MGAM2: variants seen among roughly 807,000 people sequenced by gnomAD.
MGAM2 encodes the protein maltase-glucoamylase 2 (putative).
A neutral mutation model predicts 96.1 loss-of-function variants in MGAM2; 98 were observed. That is an observed-to-expected ratio of 1.02 (90% CI 0.87 to 1.21). The LOEUF is 1.21. MGAM2 is among the 50% of genes most tolerant of loss of function. The probability of loss-of-function intolerance (pLI) is 0.00; values close to 1 mark genes in which losing one functional copy is unlikely to be tolerated. For synonymous variants in MGAM2, 749 were observed against 414.8 expected (o/e 1.81, Z -9.79); for missense variants, 2,055 against 1,182.4 (o/e 1.74, Z -10.82).
chr7:142,117,107 ATTAGT>A (rs1817435411), intron 2 of MGAM2, 128 bp downstream of exon 2: 1 of 636,612 alleles, frequency 1.6e-6, no homozygotes, highest in South Asian at 1.8e-5. Context: ...CACTTCCATG[ATTAGT>A]TTAAGTTCAA....
chr7:142,120,108 G>T (rs78877860), intron 2 of MGAM2, among the ~76,000 whole-genome samples, 194 bp from the exon 3 acceptor site: 16,037 of 152,250 alleles, frequency 0.11, 1,084 homozygotes, highest in Admixed American at 0.23. Context: ...TAAACTTGGA[G>T]AAGTGTTAAA....
intron 1 of MGAM2, among the ~76,000 whole-genome samples, chr7:142,114,157 A>AGAAAGAAAGAAG (rs1375883027): frequency 1.0e-3 from 74 of 71,144 alleles, no homozygotes; most frequent in Non-Finnish European, 1.7e-3. Flanking sequence ...AAAGAAGGAA[A>AGAAAGAAAGAAG]GAAAGAAAGA....
intron 14 of MGAM2, among the ~76,000 whole-genome samples, chr7:142,146,933 G>A (rs986595415): frequency 1.3e-5 from 2 of 151,956 alleles, no homozygotes; most frequent in Admixed American, 6.6e-5. Context: ...TCACCATATT[G>A]GTCAGGCTTG....
At chr7:142,172,222 C>A in intron 29 of MGAM2, 28 bp downstream of exon 29, 1 of 697,174 alleles carries the variant, frequency 1.4e-6, no homozygotes, top group Non-Finnish European at 2.6e-6. Flanking sequence ...CTCCCATGCA[C>A]CACCAGAAAC....
intron 1 of MGAM2, among the ~76,000 whole-genome samples, chr7:142,116,364 A>G (rs1817402103): frequency 2.0e-5 from 3 of 152,180 alleles, no homozygotes; most frequent in Admixed American, 2.0e-4. Flanking sequence ...TTGTTACCAG[A>G]TCCTTGAGAG....
intron 3 of MGAM2, among the ~76,000 whole-genome samples, chr7:142,121,358 A>C (rs1386195539): frequency 1.3e-5 from 2 of 150,666 alleles, no homozygotes; most frequent in African/African-American, 2.4e-5. Context: ...TTGTATTTTT[A>C]GTAGAGGCAG....
At chr7:142,152,186 A>C (rs62479420) in intron 15 of MGAM2, among the ~76,000 whole-genome samples, 3 of 142,000 alleles carry the variant, frequency 2.1e-5, no homozygotes, top group South Asian at 2.3e-4. Flanking sequence ...AAAAAAAAAA[A>C]CCCAGCAGTT....
In MGAM2 at chr7:142,162,702, A is replaced by C. The variant is rs552789799; in HGVS notation, c.2484+698A>C. ...TATATAATTTATATATAAGGTATAA[A>C]AAATATATATCTTAAAGTAACTCTT... is the stretch of plus-strand genomic sequence containing the variant. On this transcript the variant is annotated intron_variant, in intron 23 of 47. Coordinates refer to ENST00000477922, the MANE Select transcript of MGAM2 (RefSeq NM_001293626.2). Among the ~76,000 whole-genome samples the C allele has an allele frequency of 9.7e-4, 147 of 151,426 alleles. 1 individual carries two copies. Among genetic ancestry groups the C allele is most frequent in the Non-Finnish European group, 1.6e-3 (110 of 67,854 alleles).
In MGAM2 at chr7:142,220,631, T is replaced by C; in HGVS notation, c.6120T>C (p.Asp2040=). ...IGVTTGTTVP[D]TTAPFPTSTT... is the part of the protein sequence containing the mutation. ...TTACAACTGGTACTACTGTTCCTGA[T>C]ACAACTGCTCCTTTCCCTACAAGTA... Residue 2040 remains aspartate (D), a synonymous_variant, in exon 48 of 48, where the codon GAT becomes GAC. Coordinates refer to ENST00000477922, the MANE Select transcript of MGAM2 (RefSeq NM_001293626.2). 1.4e-6 allele frequency: 1 copy of C among 702,392 alleles called. No individual in the cohort carries two copies. Among genetic ancestry groups the C allele is most frequent in the Non-Finnish European group, 2.6e-6 (1 of 384,876 alleles). The allele number at this position is 702,392 out of a possible 1,614,324, so 43.5% of individuals were successfully genotyped here.
chr7:142,192,807 A>T (rs1455523811), intron 37 of MGAM2, among the ~76,000 whole-genome samples: 1 of 152,220 alleles, frequency 6.6e-6, no homozygotes, highest in East Asian at 1.9e-4. Context: ...TTCTTCATGA[A>T]TTATTTTTTA....
intron 40 of MGAM2, among the ~76,000 whole-genome samples, 180 bp downstream of exon 40, chr7:142,196,996 C>T (rs1797062868): frequency 6.6e-6 from 1 of 152,110 alleles, no homozygotes; most frequent in East Asian, 1.9e-4. Flanking sequence ...TAGAAATATA[C>T]CTTTTCTCAT....
At chr7:142,201,071 C>CTTTTTTTTTTTTTTTT (rs72092512) in intron 45 of MGAM2, among the ~76,000 whole-genome samples, 4 of 84,362 alleles carry the variant, frequency 4.7e-5, no homozygotes, top group Non-Finnish European at 2.1e-5. Context: ...CATCCTTTTT[C>CTTTTTTTTTTTTTTTT]TTTTTTTTTT....
At chr7:142,181,533 C>G (rs1796542659) in intron 32 of MGAM2, among the ~76,000 whole-genome samples, 1 of 152,154 alleles carries the variant, frequency 6.6e-6, no homozygotes, top group African/African-American at 2.4e-5. Context: ...GGCCCCCTTC[C>G]CAAGTCCATT....
At chr7:142,213,761 C>G (rs1324992499) in intron 46 of MGAM2, among the ~76,000 whole-genome samples, 1 of 152,180 alleles carries the variant, frequency 6.6e-6, no homozygotes, top group Non-Finnish European at 1.5e-5. Flanking sequence ...GGAACTGGTA[C>G]CGTTCCTCCT....
chr7:142,152,834 G>A (rs1330542039), intron 15 of MGAM2, among the ~76,000 whole-genome samples: 1 of 152,018 alleles, frequency 6.6e-6, no homozygotes, highest in African/African-American at 2.4e-5. Flanking sequence ...GAAAAGAGGA[G>A]AGTCATTTCA....
intron 35 of MGAM2, among the ~76,000 whole-genome samples, chr7:142,186,991 T>C (rs921771383): frequency 5.9e-5 from 9 of 151,796 alleles, no homozygotes; most frequent in African/African-American, 2.2e-4. Flanking sequence ...GGGAAAGCTG[T>C]AGCTGGGTAA....
intron 12 of MGAM2, among the ~76,000 whole-genome samples, chr7:142,142,533 T>TTTTTTTG (rs1795261945): frequency 7.2e-6 from 1 of 137,986 alleles, no homozygotes; most frequent in African/African-American, 2.9e-5. Context: ...TGTTTTTTTT[T>TTTTTTTG]TTTTTTTTTT....
intron 6 of MGAM2, among the ~76,000 whole-genome samples, chr7:142,132,892 A>G (rs1461458405): frequency 7.7e-6 from 1 of 130,028 alleles, no homozygotes; most frequent in African/African-American, 3.0e-5. Flanking sequence ...ATAATATATA[A>G]CATATGTATT....
At chr7:142,125,527 C>T (rs900944820) in intron 3 of MGAM2, among the ~76,000 whole-genome samples, 8 of 152,184 alleles carry the variant, frequency 5.3e-5, no homozygotes, top group African/African-American at 1.9e-4. Flanking sequence ...TATCTACAGG[C>T]CACCCAGACC....
Sources: gnomAD v4.1 joint callset for allele counts (sites outside exome capture counted in the v4.1 genomes callset) on GRCh38, gnomAD v4.1.1 for gene constraint, MANE v1.5 for transcripts, NCBI Gene and HGNC (gene_info 2026-07-23, HGNC 2026-07-21) for gene names.